Variants in RCOR1 observed in about 807,000 individuals in gnomAD.
RCOR1 encodes REST corepressor 1.
A neutral mutation model predicts 64.0 loss-of-function variants in RCOR1; 12 were observed. That is an observed-to-expected ratio of 0.19 (90% CI 0.12 to 0.30). The LOEUF is 0.30. Ranked by LOEUF, RCOR1 falls within the 10% of genes least tolerant of loss-of-function variation. The pLI is 1.00. For missense variants in RCOR1, 502 were observed against 621.2 expected (o/e 0.81, Z 2.04); for synonymous variants, 279 against 227.2 (o/e 1.23, Z -2.05).
intron 2 of RCOR1, among the ~76,000 whole-genome samples, chr14:102,652,966 C>T (rs892075392): frequency 1.3e-5 from 2 of 151,964 alleles, no homozygotes; most frequent in Non-Finnish European, 2.9e-5. Context: ...TGGAGTTTCG[C>T]TTTGTCGCCA....
intron 2 of RCOR1, among the ~76,000 whole-genome samples, chr14:102,668,986 A>G (rs1017244270): frequency 6.6e-6 from 1 of 152,208 alleles, no homozygotes; most frequent in African/African-American, 2.4e-5. Context: ...CAGCATTTAA[A>G]AAGGAAGAGA....
chr14:102,649,788 T>G (rs1172909745), intron 2 of RCOR1: 14 of 985,008 alleles, frequency 1.4e-5, no homozygotes, highest in Non-Finnish European at 1.7e-5. Flanking sequence ...GGGCTTTGTT[T>G]ACTGTAAAAA....
chr14:102,615,184 T>G (rs1893732466), intron 2 of RCOR1, among the ~76,000 whole-genome samples: 1 of 121,196 alleles, frequency 8.3e-6, no homozygotes, highest in Non-Finnish European at 1.6e-5. Context: ...CAGCCTGGAG[T>G]GCAGTGTTAA....
chr14:102,630,523 C>T (rs879413387), intron 2 of RCOR1, among the ~76,000 whole-genome samples: 4 of 152,188 alleles, frequency 2.6e-5, no homozygotes, highest in Non-Finnish European at 4.4e-5. Context: ...AGCAACTGTT[C>T]AAAGGTAAGA....
intron 2 of RCOR1, among the ~76,000 whole-genome samples, chr14:102,661,820 G>A (rs966618339): frequency 2.6e-5 from 4 of 152,162 alleles, no homozygotes; most frequent in African/African-American, 4.8e-5. Context: ...GCAATGGCAC[G>A]ATCATGGCTC....
chr14:102,660,216 T>C (rs1894802322), intron 2 of RCOR1, among the ~76,000 whole-genome samples: 3 of 152,202 alleles, frequency 2.0e-5, no homozygotes, highest in Admixed American at 2.0e-4. Flanking sequence ...ATGGGTTATC[T>C]TGTGGATATG....
intron 2 of RCOR1, among the ~76,000 whole-genome samples, chr14:102,652,958 G>T (rs1049810214): frequency 6.6e-6 from 1 of 151,906 alleles, no homozygotes; most frequent in Non-Finnish European, 1.5e-5. Context: ...TTTTGAGATG[G>T]AGTTTCGCTT....
chr14:102,703,709 A>G (rs2139980318), intron 4 of RCOR1, among the ~76,000 whole-genome samples: 1 of 152,326 alleles, frequency 6.6e-6, no homozygotes, highest in East Asian at 1.9e-4. Context: ...CCAACTGGTA[A>G]TCCCATGGTC....
intron 4 of RCOR1, among the ~76,000 whole-genome samples, chr14:102,705,842 AAGG>A (rs1895841196): frequency 1.3e-5 from 2 of 151,872 alleles, no homozygotes; most frequent in African/African-American, 4.8e-5. Context: ...AAAACATAAA[AAGG>A]AGGCTGGATG....
chr14:102,616,074 G>A (rs1453949881), intron 2 of RCOR1, among the ~76,000 whole-genome samples: 2 of 152,086 alleles, frequency 1.3e-5, no homozygotes, highest in Admixed American at 6.6e-5. Context: ...TTTTGTCTGT[G>A]GTTCTGACCA....
rs75095465 is a variant in RCOR1 at position 102,701,232 on chromosome 14, A to G, written c.446-46A>G. 8,535 of 1,469,980 alleles carry G rather than the reference A, an allele frequency of 5.8e-3. 256 individuals are homozygous for G. In the African/African-American group the frequency reaches 0.079, roughly 14 times the overall value. 91.1% of individuals were successfully genotyped at this position (1,469,980 alleles called of 1,614,324 possible). A position where few individuals can be genotyped will look rare whatever the true frequency, so the allele number is the denominator to read the frequency against. ...TCAATTCTAGCAGACCATAGGGTGT[A>G]CTCTGTCCCTCAGTTTGTTTAATGG... On this transcript the variant is annotated intron_variant, in intron 3 of 11. Transcript: ENST00000262241.
intron 2 of RCOR1, among the ~76,000 whole-genome samples, chr14:102,678,140 C>G (rs12323855): frequency 2.6e-5 from 4 of 151,422 alleles, no homozygotes; most frequent in African/African-American, 4.8e-5. Context: ...TGCAGTGAGC[C>G]GAGATGGCAG....
At chr14:102,700,618 C>G (rs963540215) in intron 3 of RCOR1, among the ~76,000 whole-genome samples, 2 of 152,210 alleles carry the variant, frequency 1.3e-5, no homozygotes, top group Non-Finnish European at 2.9e-5. Flanking sequence ...ATCCTCCCGC[C>G]TCAGCTTTCC....
intron 9 of RCOR1, 49 bp from the exon 10 acceptor site, chr14:102,721,271 T>C (rs1896163696): frequency 1.3e-6 from 2 of 1,498,442 alleles, no homozygotes; most frequent in South Asian, 2.3e-5. Context: ...CATAAGGACA[T>C]ACTCATCTCT....
rs1453300256 is a variant in RCOR1 at position 102,686,279 on chromosome 14, T to C, written c.445+4301T>C. On this transcript the variant is annotated intron_variant, in intron 3 of 11. Coordinates refer to ENST00000262241, the MANE Select transcript of RCOR1 (RefSeq NM_015156.4). ...CTTATTTTCTTGTTTAAAATAGATT[T>C]TATATTTTAGAGACATTTTAGCTTC... Among the ~76,000 whole-genome samples, 5 of 152,274 alleles carry C rather than the reference T, an allele frequency of 3.3e-5. No individual in the cohort carries two copies. The East Asian group carries it at 9.6e-4, about 29-fold the overall frequency.
At chr14:102,707,174 T>C (rs1895874799) in intron 4 of RCOR1, among the ~76,000 whole-genome samples, 177 bp from the exon 5 acceptor site, 1 of 152,192 alleles carries the variant, frequency 6.6e-6, no homozygotes, top group African/African-American at 2.4e-5. Context: ...AGTATGTGTA[T>C]ATTACCACAG....
chr14:102,650,182 A>C (rs1221706107), intron 2 of RCOR1, among the ~76,000 whole-genome samples: 3 of 141,568 alleles, frequency 2.1e-5, no homozygotes, highest in East Asian at 4.2e-4. Context: ...TGGGCGACAG[A>C]GCGAGACTCC....
In RCOR1 at chr14:102,592,782, G is replaced by T. The variant is rs1893153520; in HGVS notation, c.-105G>T. The T allele has an allele frequency of 1.7e-6, 2 of 1,193,932 alleles. No homozygotes were observed. The highest frequency in any genetic ancestry group is 3.2e-5 in the African/African-American group (2 of 61,974). The allele number at this position is 1,193,932 out of a possible 1,614,324, so 74.0% of individuals were successfully genotyped here. A position where few individuals can be genotyped will look rare whatever the true frequency, so the allele number is the denominator to read the frequency against. On this transcript the variant is annotated 5_prime_UTR_variant, in exon 1 of 12. Coordinates refer to ENST00000262241, the MANE Select transcript of RCOR1 (RefSeq NM_015156.4). The stretch of plus-strand genomic sequence containing the variant: ...ACTCGCGCCCGTGGGCTCCCGCCGC[G>T]CCCGCCCGGCCCCGCGCCGGCCCCG...
intron 2 of RCOR1, among the ~76,000 whole-genome samples, chr14:102,610,891 G>A (rs955606829): frequency 6.6e-5 from 10 of 151,992 alleles, no homozygotes; most frequent in Non-Finnish European, 1.3e-4. Flanking sequence ...TAATTCAGAC[G>A]TTTTGCCTCT....
Sources: gnomAD v4.1 joint callset for allele counts (sites outside exome capture counted in the v4.1 genomes callset) on GRCh38, gnomAD v4.1.1 for gene constraint, MANE v1.5 for transcripts, NCBI Gene and HGNC (gene_info 2026-07-23, HGNC 2026-07-21) for gene names.